DLGAP1: variants seen among roughly 807,000 people sequenced by gnomAD.
The protein encoded by DLGAP1 is DLG associated protein 1, also known as disks large-associated protein 1.
DLGAP1 carries 11 observed loss-of-function variants against 90.8 expected under a neutral mutation model. The observed-to-expected ratio is 0.12, with a 90% CI of 0.08 to 0.20. DLGAP1 has a LOEUF of 0.20. DLGAP1 is among the 10% of genes least tolerant of loss of function. The pLI, the probability that DLGAP1 is intolerant of heterozygous loss-of-function variation, is 1.00. For synonymous variants in DLGAP1, 558 were observed against 540.7 expected, an observed-to-expected ratio of 1.03 and a Z score of -0.44; for missense variants, 1,050 against 1,333.8, an observed-to-expected ratio of 0.79 and a Z score of 3.31.
At chr18:4,050,905 G>A (rs746997238) in intron 2 of DLGAP1, among the ~76,000 whole-genome samples, 15 of 152,202 alleles carry the variant, frequency 9.9e-5, no homozygotes, top group Non-Finnish European at 2.1e-4. Flanking sequence ...ATTCATGACT[G>A]AAGTTCTACT....
chr18:4,344,340 C>T (rs899573378), intron 1 of DLGAP1, among the ~76,000 whole-genome samples: 1 of 151,960 alleles, frequency 6.6e-6, no homozygotes, highest in South Asian at 2.1e-4. Flanking sequence ...TATCGCGATG[C>T]TAGAAAGTGG....
chr18:4,320,576 T>C (rs2080658282), intron 1 of DLGAP1, among the ~76,000 whole-genome samples: 1 of 152,158 alleles, frequency 6.6e-6, no homozygotes, highest in East Asian at 1.9e-4. Context: ...ATAATCAATG[T>C]GCCTGAGTCC....
chr18:4,296,606 C>T (rs926394343), intron 1 of DLGAP1, among the ~76,000 whole-genome samples: 6 of 152,144 alleles, frequency 3.9e-5, no homozygotes, highest in African/African-American at 1.4e-4. Context: ...TTGTGAAAAC[C>T]ACTTTCAGAT....
chr18:3,866,736 G>C (rs1457585714), intron 4 of DLGAP1, among the ~76,000 whole-genome samples: 1 of 152,188 alleles, frequency 6.6e-6, no homozygotes, highest in Non-Finnish European at 1.5e-5. Flanking sequence ...CAATAGACAG[G>C]GCGTAGGCCA....
chr18:4,254,389 T>C (rs2078845213), intron 1 of DLGAP1, among the ~76,000 whole-genome samples: 1 of 150,116 alleles, frequency 6.7e-6, no homozygotes, highest in African/African-American at 2.5e-5. Context: ...AAAGTAAGTA[T>C]CATGCTGATG....
intron 3 of DLGAP1, among the ~76,000 whole-genome samples, chr18:3,907,143 G>T (rs2071926665): frequency 6.8e-6 from 1 of 146,946 alleles, no homozygotes; most frequent in African/African-American, 2.5e-5. Context: ...TAGCGTCAGT[G>T]GGGGCAGGGC....
chr18:3,699,708 A>G lies in DLGAP1; in HGVS notation c.1591+29427T>C, dbSNP rs114308999. On this transcript the variant is annotated intron_variant, in intron 7 of 12. Coordinates refer to ENST00000315677, the MANE Select transcript of DLGAP1 (RefSeq NM_004746.4). ...CTCTCTTCAGAGCTGTCAGACAGAA[A>G]CGTTTAAGCCTGCTGAAGCTGTCTC... 6.5e-3 allele frequency among the ~76,000 whole-genome samples: 991 copies of G among 152,226 alleles called. 8 individuals carry two copies. Among genetic ancestry groups the G allele is most frequent in the African/African-American group, 0.021 (882 of 41,544 alleles).
intron 1 of DLGAP1, among the ~76,000 whole-genome samples, chr18:4,267,482 G>T (rs778902612): frequency 3.3e-5 from 5 of 152,130 alleles, no homozygotes; most frequent in South Asian, 2.1e-4. Context: ...ACCTCCATTT[G>T]TTTTAACAAA....
intron 3 of DLGAP1, among the ~76,000 whole-genome samples, chr18:3,957,129 G>A (rs945382565): frequency 6.6e-6 from 1 of 152,164 alleles, no homozygotes; most frequent in Non-Finnish European, 1.5e-5. Flanking sequence ...TATCCTGGAC[G>A]ATCCATGTGG....
At chr18:3,732,525 T>C (rs2062475849) in intron 6 of DLGAP1, among the ~76,000 whole-genome samples, 1 of 152,252 alleles carries the variant, frequency 6.6e-6, no homozygotes, top group African/African-American at 2.4e-5. Flanking sequence ...CAAGATAAAT[T>C]TGTTCTCTCT....
chr18:4,254,690 TGAAAATTGGAAAGAGACTAAA>T (rs1204449053), intron 1 of DLGAP1, among the ~76,000 whole-genome samples: 1 of 145,774 alleles, frequency 6.9e-6, no homozygotes, highest in Non-Finnish European at 1.5e-5. Context: ...TTCTGGTTTA[TGAAAATTGGAAAGAGACTAAA>T]GTGAACACAT....
At position 3,523,657 on chromosome 18, in the gene DLGAP1, C is replaced by A. The variant is rs186980706; in HGVS notation, c.2479+10537G>T. On this transcript the variant is annotated intron_variant, in intron 10 of 12. Coordinates refer to ENST00000315677, the MANE Select transcript of DLGAP1 (RefSeq NM_004746.4). ...GGTCAGGAGATCGAGACCATCCTGGCTAACACGGTGAAACCCCGTCTCTAC... is the reference window on the plus strand; with the variant it reads ...GGTCAGGAGATCGAGACCATCCTGGATAACACGGTGAAACCCCGTCTCTAC... 6.7e-3 allele frequency among the ~76,000 whole-genome samples: 1,016 copies of A among 151,930 alleles called. 15 individuals are homozygous for A. Among genetic ancestry groups the A allele is most frequent in the Admixed American group, 0.022 (335 of 15,272 alleles).
intron 1 of DLGAP1, among the ~76,000 whole-genome samples, chr18:4,453,488 T>C (rs1030651634): frequency 1.3e-5 from 2 of 152,204 alleles, no homozygotes; most frequent in Non-Finnish European, 2.9e-5. Context: ...CCTAGGCCAA[T>C]AGAAAGTCGT....
At chr18:3,837,121 G>A (rs1488768621) in intron 4 of DLGAP1, among the ~76,000 whole-genome samples, 2 of 152,214 alleles carry the variant, frequency 1.3e-5, no homozygotes, top group African/African-American at 4.8e-5. Flanking sequence ...AGCCAAGCCT[G>A]CGAAATAGGC....
chr18:3,942,800 C>A (rs2072795775), intron 3 of DLGAP1, among the ~76,000 whole-genome samples: 1 of 152,042 alleles, frequency 6.6e-6, no homozygotes, highest in African/African-American at 2.4e-5. Context: ...AAAATGTTTC[C>A]AAAAATTATT....
Position 4,083,866 on chromosome 18 carries a change from G to A in DLGAP1, c.-159+67314C>T, listed in dbSNP as rs138276907. On this transcript the variant is annotated intron_variant, in intron 2 of 12. Coordinates refer to ENST00000315677, the MANE Select transcript of DLGAP1 (RefSeq NM_004746.4). ...TACAGGGTGCTCTTTCAGCTTGGCC[G>A]TCAGCAGGTGGCTTATGTTAATTAG... Among the ~76,000 whole-genome samples the A allele has an allele frequency of 2.2e-3, 336 of 152,202 alleles. 1 individual carries two copies. The highest frequency in any genetic ancestry group is 7.3e-3 in the African/African-American group (302 of 41,530).
chr18:3,921,429 T>C (rs1599162419), intron 3 of DLGAP1, among the ~76,000 whole-genome samples: 1 of 152,188 alleles, frequency 6.6e-6, no homozygotes, highest in East Asian at 1.9e-4. Context: ...CATGGTGTGG[T>C]GGAAAGAACA....
intron 2 of DLGAP1, among the ~76,000 whole-genome samples, chr18:4,147,928 C>T (rs542798698): frequency 6.6e-6 from 1 of 152,270 alleles, no homozygotes; most frequent in South Asian, 2.1e-4. Flanking sequence ...AACAGATCAG[C>T]ATCATCTGGG....
intron 3 of DLGAP1, among the ~76,000 whole-genome samples, chr18:3,913,328 T>C (rs1599151501): frequency 6.6e-6 from 1 of 152,146 alleles, no homozygotes; most frequent in Non-Finnish European, 1.5e-5. Flanking sequence ...GATCAAGCAA[T>C]GCTCCCACCT....
Sources: allele counts gnomAD v4.1 joint callset (sites outside exome capture counted in the v4.1 genomes callset), GRCh38; gene constraint gnomAD v4.1.1; transcripts MANE v1.5; gene names NCBI Gene and HGNC (gene_info 2026-07-23, HGNC 2026-07-21).